TMEM272: variants seen among roughly 807,000 people sequenced by gnomAD.
TMEM272 encodes the protein transmembrane protein 272.
A neutral mutation model predicts 3.7 loss-of-function variants in TMEM272; 8 were observed. That is an observed-to-expected ratio of 2.17 (90% CI 1.27 to 3.91). The LOEUF (loss-of-function observed/expected upper bound fraction) is 3.91, where lower values mean the gene tolerates loss of function less well. Ranked by LOEUF, TMEM272 falls within the 30% of genes most tolerant of loss-of-function variation. The pLI is 0.00. For synonymous variants in TMEM272, 63 were observed against 39.8 expected, an observed-to-expected ratio of 1.58 and a Z score of -2.20; for missense variants, 166 against 91.5, an observed-to-expected ratio of 1.81 and a Z score of -3.32.
chr13:51,890,578 T>A, the TMEM272 span, among the ~76,000 whole-genome samples: 762 of 152,302 alleles, frequency 5.0e-3, 8 homozygotes, highest in African/African-American at 0.017. Context: ...CCTTATAAAC[T>A]ACTCAGCCTC....
intron 2 of TMEM272, among the ~76,000 whole-genome samples, chr13:51,828,825 G>A (rs1191094447): frequency 1.3e-5 from 2 of 152,230 alleles, no homozygotes; most frequent in Admixed American, 6.5e-5. Context: ...TATGAGGAAA[G>A]CGTGTTGTGT....
At chr13:51,888,100 C>T in the TMEM272 span, among the ~76,000 whole-genome samples, 206 of 150,362 alleles carry the variant, frequency 1.4e-3, 3 homozygotes, top group East Asian at 0.032. Flanking sequence ...GGCTGGAGTG[C>T]AGTGGCGTAA....
At chr13:51,846,337 C>T (rs1344790392), upstream of TMEM272, among the ~76,000 whole-genome samples, 1 of 152,208 alleles carries the variant, frequency 6.6e-6, no homozygotes, top group Non-Finnish European at 1.5e-5. Flanking sequence ...CTAAAAAATT[C>T]CTATCACCTA....
chr13:51,835,460 G>A (rs562273441), intron 2 of TMEM272, among the ~76,000 whole-genome samples: 1 of 152,216 alleles, frequency 6.6e-6, no homozygotes, highest in South Asian at 2.1e-4. Context: ...TCTTGACGTC[G>A]TGATCTGCTC....
intron 2 of TMEM272, among the ~76,000 whole-genome samples, chr13:51,829,888 C>T (rs1466047704): frequency 6.6e-6 from 1 of 152,198 alleles, no homozygotes; most frequent in Non-Finnish European, 1.5e-5. Flanking sequence ...TACTCTGACC[C>T]TCCCCTTTTC....
intron 2 of TMEM272, among the ~76,000 whole-genome samples, chr13:51,830,081 A>G (rs1231184503): frequency 6.6e-6 from 1 of 152,192 alleles, no homozygotes; most frequent in African/African-American, 2.4e-5. Context: ...CTTTTCTGCA[A>G]TTACCTCTCT....
At chr13:51,879,749 A>G in the TMEM272 span, among the ~76,000 whole-genome samples, 906 of 152,344 alleles carry the variant, frequency 5.9e-3, 11 homozygotes, top group African/African-American at 0.021. Flanking sequence ...GCAAACGGGC[A>G]TCGTCCTCAA....
chr13:51,914,435 C>T, the TMEM272 span, among the ~76,000 whole-genome samples: 9 of 152,254 alleles, frequency 5.9e-5, no homozygotes, highest in African/African-American at 9.6e-5. Flanking sequence ...TCCTGCTCAC[C>T]TTGCAGGTCT....
the TMEM272 span, among the ~76,000 whole-genome samples, chr13:51,854,581 G>T: frequency 6.6e-6 from 1 of 152,160 alleles, no homozygotes; most frequent in Non-Finnish European, 1.5e-5. Flanking sequence ...CTTTAGAGAG[G>T]TATGGTCTCT....
intron 1 of TMEM272, among the ~76,000 whole-genome samples, chr13:51,843,363 T>C (rs1350838350): frequency 1.3e-5 from 2 of 152,178 alleles, no homozygotes; most frequent in African/African-American, 4.8e-5. Context: ...TATTCACTAT[T>C]ATGGTGGGGA....
the TMEM272 span, among the ~76,000 whole-genome samples, chr13:51,925,664 C>G: frequency 6.6e-6 from 1 of 152,128 alleles, no homozygotes; most frequent in Admixed American, 6.5e-5. Context: ...CACACTTCCT[C>G]CCACAGCTTG....
At chr13:51,862,725 T>C in the TMEM272 span, among the ~76,000 whole-genome samples, 1 of 151,978 alleles carries the variant, frequency 6.6e-6, no homozygotes, top group Non-Finnish European at 1.5e-5. Context: ...TGAAGTGAGG[T>C]TGGGCAAGGA....
rs1322160285 is a variant in TMEM272, at chr13:51,816,290, G to A, written c.*461C>T. On this transcript the variant is annotated 3_prime_UTR_variant, in exon 5 of 5. Transcript: ENST00000629372. ...TTTTAATAACAAAAGCCATCATAGC[G>A]AGTGAAGTTAAGATATATCTTGTGT... The A allele has an allele frequency of 1.3e-5, 2 of 156,546 alleles. No homozygotes were observed. The highest frequency in any genetic ancestry group is 2.4e-5 in the African/African-American group (1 of 41,494). 9.7% of individuals were successfully genotyped at this position (156,546 alleles called of 1,614,324 possible).
the TMEM272 span, chr13:51,910,215 C>G: frequency 1.6e-6 from 2 of 1,223,420 alleles, no homozygotes; most frequent in Non-Finnish European, 2.4e-6. Context: ...AGAATTGGAC[C>G]TGTTCAGCTT....
At chr13:51,875,588 C>T in the TMEM272 span, among the ~76,000 whole-genome samples, 1 of 152,196 alleles carries the variant, frequency 6.6e-6, no homozygotes, top group Non-Finnish European at 1.5e-5. Context: ...CCCACCTACC[C>T]CTCTCCAGAC....
At chr13:51,908,107 CTAT>C in the TMEM272 span, 1 of 463,586 alleles carries the variant, frequency 2.2e-6, no homozygotes, top group Non-Finnish European at 4.1e-6. Flanking sequence ...AATTATAATT[CTAT>C]TGTTTCAATT....
the TMEM272 span, among the ~76,000 whole-genome samples, chr13:51,915,582 A>G: frequency 6.6e-6 from 1 of 152,148 alleles, no homozygotes; most frequent in Non-Finnish European, 1.5e-5. Context: ...ATGTTCCTCT[A>G]CATATACGCA....
chr13:51,838,290 A>C (rs1170958266), intron 2 of TMEM272, among the ~76,000 whole-genome samples, 183 bp downstream of exon 2: 1 of 152,234 alleles, frequency 6.6e-6, no homozygotes, highest in African/African-American at 2.4e-5. Context: ...TGAATTGGTA[A>C]GGAATGGAAG....
chr13:51,868,332 A>G, the TMEM272 span, among the ~76,000 whole-genome samples: 1 of 152,238 alleles, frequency 6.6e-6, no homozygotes, highest in Non-Finnish European at 1.5e-5. Context: ...TGCCTCTCTG[A>G]GAGAGCACTA....
Sources: gnomAD v4.1 joint callset for allele counts (sites outside exome capture counted in the v4.1 genomes callset) on GRCh38, gnomAD v4.1.1 for gene constraint, MANE v1.5 for transcripts, NCBI Gene and HGNC (gene_info 2026-07-23, HGNC 2026-07-21) for gene names.